The following FMN1 variants were observed in gnomAD, a reference collection of about 807,000 sequenced individuals.
The protein encoded by FMN1 is formin-1.
In FMN1, 110 loss-of-function variants were observed where a neutral mutation model predicts 132.4. The ratio of observed to expected loss-of-function variants is 0.83; its 90% confidence interval spans 0.71 to 0.97. The LOEUF (loss-of-function observed/expected upper bound fraction) is 0.97. Among genes scored for constraint, FMN1 ranks in the 50% least tolerant of loss-of-function variants. The pLI, the probability that FMN1 is intolerant of heterozygous loss-of-function variation, is 0.00. For synonymous variants in FMN1, 722 were observed against 651.7 expected, an observed-to-expected ratio of 1.11 and a Z score of -1.64; for missense variants, 1,792 against 1,705.3, an observed-to-expected ratio of 1.05 and a Z score of -0.90.
intron 7 of FMN1, among the ~76,000 whole-genome samples, chr15:32,989,271 G>C (rs2033282708): frequency 6.6e-6 from 1 of 152,186 alleles, no homozygotes; most frequent in Non-Finnish European, 1.5e-5. Flanking sequence ...TGGAAGGTAG[G>C]TGGAGGTACC....
Position 32,920,898 on chromosome 15 carries a change from T to C in FMN1, c.3226+5276A>G, listed in dbSNP as rs138121236. ...CAGTTCTGACCTTTGTCATTTATCATCTGAACAAACACAATCCCTTCTAAA... is the reference window on the plus strand; with the variant it reads ...CAGTTCTGACCTTTGTCATTTATCACCTGAACAAACACAATCCCTTCTAAA... On this transcript the variant is annotated intron_variant, in intron 10 of 20. Coordinates refer to ENST00000616417, the MANE Select transcript of FMN1 (RefSeq NM_001277313.2). Among the ~76,000 whole-genome samples, 17 of 152,354 alleles carry C rather than the reference T, an allele frequency of 1.1e-4. No individual in the cohort carries two copies. In the East Asian group the frequency reaches 2.7e-3, roughly 24 times the overall value.
At chr15:32,992,306 A>G (rs192897462) in intron 7 of FMN1, among the ~76,000 whole-genome samples, 20 of 152,336 alleles carry the variant, frequency 1.3e-4, no homozygotes, top group Admixed American at 1.2e-3. Context: ...TTAGTTTTGC[A>G]TGCTGAAAAT....
chr15:33,148,594 G>T (rs780357822), intron 4 of FMN1, among the ~76,000 whole-genome samples: 58 of 152,268 alleles, frequency 3.8e-4, no homozygotes, highest in Non-Finnish European at 6.9e-4. Context: ...CTTCCTCTCC[G>T]CTGGGTGTCT....
At chr15:32,949,970 C>CACATATATATATAT (rs1555503145) in intron 9 of FMN1, among the ~76,000 whole-genome samples, 1 of 8,734 alleles carries the variant, frequency 1.1e-4, no homozygotes, top group Admixed American at 1.1e-3. Context: ...TATATACACA[C>CACATATATATATAT]ATATATATAC....
chr15:33,048,939 G>A (rs1184066792), intron 6 of FMN1, among the ~76,000 whole-genome samples: 1 of 152,174 alleles, frequency 6.6e-6, no homozygotes, highest in Non-Finnish European at 1.5e-5. Flanking sequence ...ACTGTATCAG[G>A]AAAGTAAAAG....
chr15:32,897,986 G>A (rs778264426), intron 15 of FMN1, among the ~76,000 whole-genome samples: 6 of 152,078 alleles, frequency 3.9e-5, no homozygotes, highest in Non-Finnish European at 8.8e-5. Context: ...TTTGGGGGGC[G>A]GGGAAACGAT....
In FMN1 at chr15:32,806,421, G is replaced by A. The variant is rs150619897; in HGVS notation, c.3929-2089C>T. ...GATTTAATGAGATAATACATGCAGA[G>A]TGCTTAGCACATAATGTGTGCTCAA... On this transcript the variant is annotated intron_variant, in intron 17 of 20. Coordinates refer to ENST00000616417, the MANE Select transcript of FMN1 (RefSeq NM_001277313.2). Among the ~76,000 whole-genome samples, 6 of 152,304 alleles carry A rather than the reference G, an allele frequency of 3.9e-5. No individual in the cohort carries two copies. In the East Asian group the frequency reaches 9.6e-4, roughly 24 times the overall value.
intron 4 of FMN1, among the ~76,000 whole-genome samples, chr15:33,103,755 G>A (rs773224082): frequency 6.6e-6 from 1 of 152,070 alleles, no homozygotes; most frequent in African/African-American, 2.4e-5. Context: ...GTTCAGCAAA[G>A]TTATCATGGT....
chr15:32,844,095 G>A (rs2058804804), intron 17 of FMN1, among the ~76,000 whole-genome samples: 1 of 152,134 alleles, frequency 6.6e-6, no homozygotes, highest in South Asian at 2.1e-4. Context: ...TCTAGCCTCA[G>A]CTCACGACTT....
At chr15:33,064,867 A>C (rs1301577257) in intron 6 of FMN1, 90 bp downstream of exon 6, 9 of 873,976 alleles carry the variant, frequency 1.0e-5, no homozygotes, top group Non-Finnish European at 1.4e-5. Flanking sequence ...ATGAAATAAA[A>C]CCCCAAATTC....
chr15:33,155,801 C>T (rs1964649225), intron 3 of FMN1, among the ~76,000 whole-genome samples: 1 of 152,114 alleles, frequency 6.6e-6, no homozygotes, highest in African/African-American at 2.4e-5. Context: ...AATGATGTCA[C>T]CACAGAAACG....
intron 19 of FMN1, among the ~76,000 whole-genome samples, chr15:32,795,630 T>C (rs1214409518): frequency 6.6e-6 from 1 of 152,032 alleles, no homozygotes; most frequent in Admixed American, 6.6e-5. Context: ...ATGCCTGTTT[T>C]CAGCTCTCTG....
At chr15:32,889,906 T>G (rs1414794986) in intron 15 of FMN1, among the ~76,000 whole-genome samples, 1 of 152,178 alleles carries the variant, frequency 6.6e-6, no homozygotes, top group Non-Finnish European at 1.5e-5. Flanking sequence ...CTTTGTAGTA[T>G]TTTATCCCTC....
chr15:32,798,216 A>ACACACACACCCC (rs1286307994), intron 19 of FMN1, among the ~76,000 whole-genome samples: 9 of 140,876 alleles, frequency 6.4e-5, no homozygotes, highest in African/African-American at 2.1e-4. Context: ...ACACACACAC[A>ACACACACACCCC]CCCCGTCTAT....
chr15:32,971,270 A>T (rs573515788), intron 7 of FMN1, among the ~76,000 whole-genome samples: 2 of 152,282 alleles, frequency 1.3e-5, no homozygotes, highest in African/African-American at 4.8e-5. Context: ...TGCTAATAGC[A>T]GAGCAAGAGA....
At chr15:33,019,236 A>G (rs2035274080) in intron 6 of FMN1, among the ~76,000 whole-genome samples, 1 of 152,060 alleles carries the variant, frequency 6.6e-6, no homozygotes, top group South Asian at 2.1e-4. Flanking sequence ...CCACCTCCCC[A>G]CTAGATTAGC....
chr15:32,935,424 A>C (rs1024164370), intron 9 of FMN1, among the ~76,000 whole-genome samples: 1 of 152,098 alleles, frequency 6.6e-6, no homozygotes, highest in African/African-American at 2.4e-5. Context: ...CAGTTTGATT[A>C]TAATGTGCTC....
chr15:32,886,177 T>C (rs2059891830), intron 16 of FMN1, among the ~76,000 whole-genome samples: 1 of 152,210 alleles, frequency 6.6e-6, no homozygotes, highest in Non-Finnish European at 1.5e-5. Context: ...AAATATTTAC[T>C]GGGTACCTTT....
intron 15 of FMN1, among the ~76,000 whole-genome samples, chr15:32,890,375 T>C (rs2059998186): frequency 6.6e-6 from 1 of 152,224 alleles, no homozygotes; most frequent in African/African-American, 2.4e-5. Flanking sequence ...CTGTACAAGT[T>C]TACATTCCCA....
Sources: allele counts gnomAD v4.1 joint callset (sites outside exome capture counted in the v4.1 genomes callset), GRCh38; gene constraint gnomAD v4.1.1; transcripts MANE v1.5; gene names NCBI Gene and HGNC (gene_info 2026-07-23, HGNC 2026-07-21).